Variants in CASK observed in about 807,000 individuals in gnomAD.
CASK encodes calcium/calmodulin dependent serine protein kinase.
CASK carries 4 observed loss-of-function variants against 82.9 expected under a neutral mutation model. That is an observed-to-expected ratio of 0.05 (90% CI 0.02 to 0.11). The LOEUF (loss-of-function observed/expected upper bound fraction) is 0.11, where lower values mean the gene tolerates loss of function less well. Ranked by LOEUF, CASK falls within the 10% of genes least tolerant of loss-of-function variation. CASK has a pLI of 1.00. For synonymous variants in CASK, 259 were observed against 253.5 expected, an observed-to-expected ratio of 1.02 and a Z score of -0.20; for missense variants, 358 against 720.9, an observed-to-expected ratio of 0.50 and a Z score of 5.76.
chrX:41,575,676 C>A (rs751898889), intron 15 of CASK, among the ~76,000 whole-genome samples: 1 of 111,811 alleles, frequency 8.9e-6, no homozygotes, highest in Non-Finnish European at 1.9e-5. Context: ...TGCACAGTAA[C>A]ATAATGCTTT....
chrX:41,838,229 G>A (rs1000977970), intron 2 of CASK, among the ~76,000 whole-genome samples: 3 of 112,042 alleles, frequency 2.7e-5, no homozygotes, highest in Non-Finnish European at 5.6e-5. Context: ...TTCCCTAATG[G>A]ATAATGATGT....
chrX:41,765,241 CTT>C (rs1356920238), intron 3 of CASK, among the ~76,000 whole-genome samples: 1 of 112,009 alleles, frequency 8.9e-6, no homozygotes, highest in African/African-American at 3.2e-5. Context: ...CTATGACTCT[CTT>C]TGTCTAGCCT....
At chrX:41,654,606 GA>G (rs758782362) in intron 8 of CASK, among the ~76,000 whole-genome samples, 106 of 111,519 alleles carry the variant, frequency 9.5e-4, no homozygotes, top group African/African-American at 3.3e-3. Flanking sequence ...CTGGGAGGCG[GA>G]GGTTGCAGTG....
At chrX:41,616,379 C>T (rs1025067157) in intron 11 of CASK, among the ~76,000 whole-genome samples, 2 of 111,272 alleles carry the variant, frequency 1.8e-5, no homozygotes, top group African/African-American at 6.5e-5. Context: ...GGGAACTGAG[C>T]TTCAGAAGGT....
At chrX:41,738,354 C>T in intron 5 of CASK, among the ~76,000 whole-genome samples, 1 of 112,620 alleles carries the variant, frequency 8.9e-6, no homozygotes, top group Non-Finnish European at 1.9e-5. Context: ...TTTCTTAACA[C>T]ATCTGAAAAG....
intron 1 of CASK, 53 bp from the exon 2 acceptor site, chrX:41,853,280 C>A (rs2071300801): frequency 2.8e-6 from 2 of 720,994 alleles, no homozygotes; most frequent in Non-Finnish European, 4.3e-6. Flanking sequence ...GTTCCTATTT[C>A]CCATTAATGT....
intron 5 of CASK, among the ~76,000 whole-genome samples, chrX:41,702,078 T>C (rs2067804109): frequency 3.3e-5 from 2 of 61,536 alleles, no homozygotes; most frequent in Admixed American, 2.2e-4. Flanking sequence ...ATCAAAATTG[T>C]ATGATGTCAA....
intron 24 of CASK, among the ~76,000 whole-genome samples, chrX:41,533,467 G>T (rs1393829346): frequency 8.9e-6 from 1 of 112,105 alleles, no homozygotes. Flanking sequence ...TGGGATGAAG[G>T]TTTTCTCATG....
chrX:41,869,812 C>CAA (rs72190097), intron 1 of CASK, among the ~76,000 whole-genome samples: 122 of 11,932 alleles, frequency 0.01, 9 homozygotes, highest in South Asian at 0.033. Flanking sequence ...GACTCTGTCT[C>CAA]AAAAAAAAAA....
chrX:41,909,324 G>A (rs2072521718), intron 1 of CASK, among the ~76,000 whole-genome samples: 1 of 112,133 alleles, frequency 8.9e-6, no homozygotes, highest in African/African-American at 3.2e-5. Context: ...CTTGTAGTAA[G>A]TTCCACACAT....
chrX:41,569,823 C>T (rs375324445), intron 15 of CASK, 77 bp from the exon 16 acceptor site: 75 of 596,472 alleles, frequency 1.3e-4, no homozygotes, highest in Middle Eastern at 9.8e-4. Context: ...TGTGATTTTG[C>T]GGTAGATAAT....
At chrX:41,545,555 T>C (rs958117821) in intron 21 of CASK, among the ~76,000 whole-genome samples, 8 of 112,167 alleles carry the variant, frequency 7.1e-5, no homozygotes, top group Non-Finnish European at 1.5e-4. Flanking sequence ...TTATCTTGTT[T>C]ACTATAGCTT....
At chrX:41,655,384 T>C (rs1201267170) in intron 8 of CASK, among the ~76,000 whole-genome samples, 1 of 110,537 alleles carries the variant, frequency 9.0e-6, no homozygotes, top group Non-Finnish European at 1.9e-5. Context: ...CACTAGAGAA[T>C]TTCCATCTCG....
At chrX:41,550,407 C>T (rs1426566231) in intron 21 of CASK, among the ~76,000 whole-genome samples, 2 of 111,215 alleles carry the variant, frequency 1.8e-5, no homozygotes, top group African/African-American at 6.5e-5. Flanking sequence ...GGCTATATCA[C>T]AATTTATTGA....
intron 7 of CASK, among the ~76,000 whole-genome samples, chrX:41,661,376 A>G (rs1401828298): frequency 9.0e-6 from 1 of 111,275 alleles, no homozygotes; most frequent in East Asian, 2.8e-4. Context: ...TTCAATATCA[A>G]CAGGTTTACT....
intron 5 of CASK, among the ~76,000 whole-genome samples, chrX:41,722,739 T>G (rs995866910): frequency 8.9e-6 from 1 of 111,879 alleles, no homozygotes; most frequent in Non-Finnish European, 1.9e-5. Context: ...ACTGAAGGAG[T>G]GATGGTATCA....
At chrX:41,632,813 G>A (rs762524522) in intron 9 of CASK, among the ~76,000 whole-genome samples, 2 of 110,548 alleles carry the variant, frequency 1.8e-5, no homozygotes, top group African/African-American at 6.5e-5. Flanking sequence ...TTGGGAGGCC[G>A]AGGCGGGCGG....
intron 15 of CASK, among the ~76,000 whole-genome samples, chrX:41,573,190 C>T (rs775528092): frequency 9.6e-6 from 1 of 104,131 alleles, no homozygotes; most frequent in Admixed American, 1.0e-4. Context: ...AATTCTCCTA[C>T]CTCTGTCTCC....
chrX:41,699,701 A>G (rs2067756928), intron 5 of CASK, among the ~76,000 whole-genome samples: 1 of 111,067 alleles, frequency 9.0e-6, no homozygotes, highest in African/African-American at 3.3e-5. Flanking sequence ...AGTATACTCA[A>G]TTAATTATTG....
Sources: gnomAD v4.1 joint callset for allele counts (sites outside exome capture counted in the v4.1 genomes callset) on GRCh38, gnomAD v4.1.1 for gene constraint, MANE v1.5 for transcripts, NCBI Gene and HGNC (gene_info 2026-07-23, HGNC 2026-07-21) for gene names.